RNF220: variants seen among roughly 807,000 people sequenced by gnomAD.
RNF220 encodes E3 ubiquitin-protein ligase RNF220.
Under a neutral mutation model 67.1 loss-of-function variants are expected in RNF220, and 7 were observed. The observed-to-expected ratio is 0.10, with a 90% CI of 0.06 to 0.20. RNF220 has a LOEUF of 0.20. RNF220 is among the 10% of genes least tolerant of loss of function. The pLI is 1.00. For missense variants in RNF220, 565 were observed against 740.3 expected (o/e 0.76, Z 2.75); for synonymous variants, 270 against 283.2 (o/e 0.95, Z 0.47).
Position 44,501,544 on chromosome 1 carries a change from T to C in RNF220, c.625+88822T>C, listed in dbSNP as rs540929127. Among the ~76,000 whole-genome samples the C allele has an allele frequency of 7.4e-4, 107 of 144,776 alleles. 1 individual carries two copies. Among genetic ancestry groups the C allele is most frequent in the Non-Finnish European group, 1.4e-3 (92 of 67,924 alleles). 95.0% of individuals were successfully genotyped at this position (144,776 alleles called of 152,430 possible). ...GGCTGGGCAGAGAAGCATGGGGTTATTGGGTGTGGGCAGAACTGGTCAAGA... is the reference window on the plus strand; with the variant it reads ...GGCTGGGCAGAGAAGCATGGGGTTACTGGGTGTGGGCAGAACTGGTCAAGA... On this transcript the variant is annotated intron_variant, in intron 2 of 14. Transcript: ENST00000361799.
intron 12 of RNF220, among the ~76,000 whole-genome samples, chr1:44,646,050 C>G (rs555911486): frequency 1.8e-4 from 27 of 152,214 alleles, no homozygotes; most frequent in Non-Finnish European, 3.5e-4. Context: ...CATCTTCCTG[C>G]CTTCCCAGAA....
intron 2 of RNF220, among the ~76,000 whole-genome samples, chr1:44,522,258 T>C (rs541286458): frequency 6.6e-6 from 1 of 152,338 alleles, no homozygotes; most frequent in East Asian, 1.9e-4. Context: ...CTGTCGCGTG[T>C]TCACTGAATT....
At position 44,645,560 on chromosome 1, in the gene RNF220, G is replaced by A; in HGVS notation, c.1445+72G>A. ...AGGAGGGGCCCTTTGCTAGCAGGAAGGCCTGCTGCCAGGGCTTCTGGCCCT... is the reference window on the plus strand; with the variant it reads ...AGGAGGGGCCCTTTGCTAGCAGGAAAGCCTGCTGCCAGGGCTTCTGGCCCT... On this transcript the variant is annotated intron_variant, in intron 12 of 14. Transcript: ENST00000361799. This position sits in a 1 kb window ranked among gnomAD's most constrained non-coding sequence, Gnocchi z 5.0. 5.4e-6 allele frequency: 8 copies of A among 1,485,262 alleles called. No individual in the cohort carries two copies. The highest frequency in any genetic ancestry group is 1.2e-5 in the South Asian group (1 of 85,290). 92.0% of individuals were successfully genotyped at this position (1,485,262 alleles called of 1,614,324 possible). A position where few individuals can be genotyped will look rare whatever the true frequency, so the allele number is the denominator to read the frequency against.
intron 5 of RNF220, among the ~76,000 whole-genome samples, chr1:44,628,157 C>T (rs1180500209): frequency 6.6e-6 from 1 of 152,240 alleles, no homozygotes; most frequent in Non-Finnish European, 1.5e-5. Flanking sequence ...TGTTCCAGAG[C>T]ATTCTGGTCC....
In RNF220 at chr1:44,516,693, A is replaced by G. The variant is rs1659476166; in HGVS notation, c.626-97472A>G. Among the ~76,000 whole-genome samples the G allele has an allele frequency of 2.6e-5, 4 of 152,068 alleles. No individual in the cohort carries two copies. The South Asian group carries it at 8.3e-4, about 32-fold the overall frequency. ...GGAAACCAATATTTATGGAGTGTCT[A>G]TTATATGCCATGTGGTTTTACATGA... On this transcript the variant is annotated intron_variant, in intron 2 of 14. Coordinates refer to ENST00000361799, the MANE Select transcript of RNF220 (RefSeq NM_018150.4).
chr1:44,640,290 T>G (rs1573166933), intron 8 of RNF220, among the ~76,000 whole-genome samples: 1 of 152,176 alleles, frequency 6.6e-6, no homozygotes, highest in South Asian at 2.1e-4. Context: ...CTGCTGTTGG[T>G]CCAGCCAGTG....
At position 44,632,322 on chromosome 1, in the gene RNF220, C is replaced by A. The variant is rs370364812; in HGVS notation, c.907-21C>A. 1.7e-5 allele frequency: 28 copies of A among 1,614,014 alleles called. No individual in the cohort carries two copies. In the African/African-American group the frequency reaches 3.3e-4, roughly 19 times the overall value. On this transcript the variant is annotated intron_variant, in intron 5 of 14. Transcript: ENST00000361799. ...GACGCTCTCTTTTCTTTTCTTGCATCTGCCCGCGATCTTCTCCCAGACCTT... is the reference window on the plus strand; with the variant it reads ...GACGCTCTCTTTTCTTTTCTTGCATATGCCCGCGATCTTCTCCCAGACCTT...
chr1:44,503,131 C>T (rs554050084), intron 2 of RNF220, among the ~76,000 whole-genome samples: 71 of 151,974 alleles, frequency 4.7e-4, no homozygotes, highest in Admixed American at 2.7e-3. Flanking sequence ...GTCAGAAGTT[C>T]GAGACCAGTC....
At chr1:44,501,214 T>A (rs1432773470) in intron 2 of RNF220, among the ~76,000 whole-genome samples, 1 of 13,732 alleles carries the variant, frequency 7.3e-5, no homozygotes. Context: ...TTGCTGGGGG[T>A]GGGGAGTGGG....
At chr1:44,407,630 C>G (rs531415972) in intron 1 of RNF220, among the ~76,000 whole-genome samples, 3,129 of 152,122 alleles carry the variant, frequency 0.021, 107 homozygotes, top group African/African-American at 0.071. Context: ...CGAGCGGGGA[C>G]ACACACCTGT....
chr1:44,537,974 A>G (rs537306166), intron 2 of RNF220, among the ~76,000 whole-genome samples: 24 of 152,316 alleles, frequency 1.6e-4, no homozygotes, highest in African/African-American at 5.1e-4. Context: ...CAGAAATTCT[A>G]TTTTTAGCCT....
intron 2 of RNF220, among the ~76,000 whole-genome samples, chr1:44,579,832 C>T (rs1474599899): frequency 6.6e-6 from 1 of 151,618 alleles, no homozygotes; most frequent in Non-Finnish European, 1.5e-5. Flanking sequence ...AGTTTGAGAC[C>T]AGCCTGGGCA....
chr1:44,549,062 C>T (rs1045638610), intron 2 of RNF220, among the ~76,000 whole-genome samples: 5 of 152,110 alleles, frequency 3.3e-5, no homozygotes, highest in Non-Finnish European at 7.3e-5. Flanking sequence ...TGACACATGC[C>T]TATAACCCCA....
chr1:44,596,236 G>C (rs1419917747), intron 2 of RNF220, among the ~76,000 whole-genome samples: 7 of 152,170 alleles, frequency 4.6e-5, no homozygotes, highest in African/African-American at 1.7e-4. Context: ...AGTCAAAAGG[G>C]GAGACTGAGG....
At chr1:44,559,469 T>G (rs1663385112) in intron 2 of RNF220, among the ~76,000 whole-genome samples, 1 of 152,248 alleles carries the variant, frequency 6.6e-6, no homozygotes, top group Admixed American at 6.5e-5. Flanking sequence ...GAAAAAGCTG[T>G]GCTCGGCTTA....
intron 2 of RNF220, among the ~76,000 whole-genome samples, chr1:44,538,519 C>T (rs1661416930): frequency 6.6e-6 from 1 of 152,224 alleles, no homozygotes; most frequent in Non-Finnish European, 1.5e-5. Context: ...TCTCAAACAG[C>T]AGTAACAACC....
chr1:44,616,855 C>T (rs185160297), intron 3 of RNF220, among the ~76,000 whole-genome samples: 2 of 152,140 alleles, frequency 1.3e-5, no homozygotes, highest in Admixed American at 6.5e-5. Flanking sequence ...TCGGTGAGGG[C>T]CACACTACAG....
At chr1:44,528,607 T>C (rs867222068) in intron 2 of RNF220, among the ~76,000 whole-genome samples, 64 of 110,750 alleles carry the variant, frequency 5.8e-4, no homozygotes, top group Admixed American at 3.5e-4. Flanking sequence ...GCCCTGCAAA[T>C]TGGCAACTTT....
chr1:44,502,172 C>CAT (rs1235755260), intron 2 of RNF220, among the ~76,000 whole-genome samples: 1 of 150,336 alleles, frequency 6.7e-6, no homozygotes, highest in African/African-American at 2.4e-5. Context: ...CACACACACA[C>CAT]ACACACACAC....
Sources: allele counts gnomAD v4.1 joint callset (sites outside exome capture counted in the v4.1 genomes callset), GRCh38; gene constraint gnomAD v4.1.1; non-coding constraint Gnocchi (gnomAD v3.1); transcripts MANE v1.5; gene names NCBI Gene and HGNC (gene_info 2026-07-23, HGNC 2026-07-21).